PDE10A: variants seen among roughly 807,000 people sequenced by gnomAD.
The protein encoded by PDE10A is cAMP and cAMP-inhibited cGMP 3',5'-cyclic phosphodiesterase 10A.
PDE10A carries 39 observed loss-of-function variants against 97.7 expected under a neutral mutation model. The observed-to-expected ratio is 0.40, with a 90% CI of 0.31 to 0.52. The LOEUF (loss-of-function observed/expected upper bound fraction) is 0.52, where lower values mean the gene tolerates loss of function less well. Among genes scored for constraint, PDE10A ranks in the 20% least tolerant of loss-of-function variants. The pLI is 0.56. For missense variants in PDE10A, 731 were observed against 1,047.8 expected (o/e 0.70, Z 4.17); for synonymous variants, 371 against 376.8 (o/e 0.98, Z 0.18).
At chr6:165,875,558 A>G (rs937895487) in intron 1 of PDE10A, among the ~76,000 whole-genome samples, 1 of 152,220 alleles carries the variant, frequency 6.6e-6, no homozygotes, top group Non-Finnish European at 1.5e-5. Context: ...CATTGATTTT[A>G]TAAGTTTTTA....
intron 1 of PDE10A, among the ~76,000 whole-genome samples, chr6:165,669,823 G>C (rs1790597639): frequency 6.6e-6 from 1 of 152,146 alleles, no homozygotes; most frequent in South Asian, 2.1e-4. Context: ...CTTATTATAA[G>C]AAATTCATCT....
chr6:165,346,712 C>A (rs897391802), intron 18 of PDE10A, among the ~76,000 whole-genome samples: 10 of 152,226 alleles, frequency 6.6e-5, no homozygotes, highest in Non-Finnish European at 1.2e-4. Context: ...CCCTCCCACA[C>A]TGCCCACAAT....
At chr6:165,586,367 T>C (rs1785912760) in intron 1 of PDE10A, among the ~76,000 whole-genome samples, 1 of 152,226 alleles carries the variant, frequency 6.6e-6, no homozygotes, top group Non-Finnish European at 1.5e-5. Context: ...GTTTTTAAAA[T>C]TGAATTCTTA....
chr6:165,539,807 A>G (rs1397701279), intron 2 of PDE10A, among the ~76,000 whole-genome samples: 2 of 151,942 alleles, frequency 1.3e-5, no homozygotes, highest in Non-Finnish European at 2.9e-5. Flanking sequence ...CGCACCTGTA[A>G]TCCCAGCTAC....
At chr6:165,960,513 G>A (rs1329443852) in intron 1 of PDE10A, among the ~76,000 whole-genome samples, 1 of 152,154 alleles carries the variant, frequency 6.6e-6, no homozygotes, top group Non-Finnish European at 1.5e-5. Context: ...AGGTTGGAAG[G>A]CTACCCCTAG....
At chr6:165,837,203 A>C (rs1453149491) in intron 1 of PDE10A, among the ~76,000 whole-genome samples, 2 of 152,148 alleles carry the variant, frequency 1.3e-5, no homozygotes, top group Non-Finnish European at 2.9e-5. Flanking sequence ...GTATAATAAA[A>C]AAAAAAGAGT....
Position 165,971,853 on chromosome 6 carries a change from C to T in PDE10A, c.-615+15676G>A, listed in dbSNP as rs146891349. ...TATTTATTTATTTTATTATTTTTAC[C>T]TCTGTACCTATCAAATCTAGACTAC... On this transcript the variant is annotated intron_variant, in intron 1 of 19. Coordinates refer to the PDE10A transcript ENST00000366882. 3.3e-5 allele frequency among the ~76,000 whole-genome samples: 5 copies of T among 152,078 alleles called. No homozygotes were observed. The East Asian group carries it at 9.7e-4, about 29-fold the overall frequency.
chr6:165,410,926 A>C (rs1787718571), intron 13 of PDE10A, among the ~76,000 whole-genome samples: 1 of 42,362 alleles, frequency 2.4e-5, no homozygotes, highest in South Asian at 4.2e-4. Flanking sequence ...GTCTCTACTA[A>C]AAATACAAAA....
At chr6:165,962,243 C>T (rs117316294) in intron 1 of PDE10A, among the ~76,000 whole-genome samples, 126 of 152,328 alleles carry the variant, frequency 8.3e-4, no homozygotes, top group Non-Finnish European at 1.5e-3. Flanking sequence ...TATCACAGGA[C>T]TCAGAGACCT....
At chr6:165,649,984 T>A (rs1302831988) in intron 1 of PDE10A, among the ~76,000 whole-genome samples, 1 of 152,180 alleles carries the variant, frequency 6.6e-6, no homozygotes, top group South Asian at 2.1e-4. Context: ...GTGCATGACG[T>A]CAGAAAAGAG....
At chr6:165,393,938 T>G (rs1785923403) in intron 15 of PDE10A, among the ~76,000 whole-genome samples, 1 of 152,154 alleles carries the variant, frequency 6.6e-6, no homozygotes, top group African/African-American at 2.4e-5. Flanking sequence ...GGTGCCATAA[T>G]CAAATTACTG....
intron 1 of PDE10A, among the ~76,000 whole-genome samples, chr6:165,787,341 T>G (rs369283309): frequency 6.6e-6 from 1 of 152,176 alleles, no homozygotes; most frequent in African/African-American, 2.4e-5. Flanking sequence ...GAACTAGGGA[T>G]TGGACACTAG....
At chr6:165,949,093 A>T (rs777680544) in intron 1 of PDE10A, 9 of 152,272 alleles carry the variant, frequency 5.9e-5, no homozygotes, top group Non-Finnish European at 1.0e-4. Context: ...AAATAGTTTC[A>T]GTCCAGAAAA....
intron 1 of PDE10A, among the ~76,000 whole-genome samples, chr6:165,835,541 G>T (rs1478636587): frequency 6.6e-6 from 1 of 152,238 alleles, no homozygotes; most frequent in Non-Finnish European, 1.5e-5. Flanking sequence ...CTAAGCTCGT[G>T]GACGCCCACA....
chr6:165,715,189 G>A (rs1260133386), intron 1 of PDE10A, among the ~76,000 whole-genome samples: 1 of 152,250 alleles, frequency 6.6e-6, no homozygotes. Flanking sequence ...ACCCAGACGG[G>A]CCTGCGCCCT....
chr6:165,846,463 G>T (rs1050445695), intron 1 of PDE10A, among the ~76,000 whole-genome samples: 3 of 152,256 alleles, frequency 2.0e-5, no homozygotes, highest in Admixed American at 1.3e-4. Context: ...ACCACCCTGT[G>T]TGAAGGCCGG....
intron 1 of PDE10A, among the ~76,000 whole-genome samples, chr6:165,561,866 C>A (rs1376092717): frequency 6.6e-6 from 1 of 152,200 alleles, no homozygotes; most frequent in East Asian, 1.9e-4. Flanking sequence ...ACAGAGCTAT[C>A]AAATTTTAGC....
At chr6:165,582,696 T>C (rs1433034507) in intron 1 of PDE10A, among the ~76,000 whole-genome samples, 2 of 152,034 alleles carry the variant, frequency 1.3e-5, no homozygotes, top group African/African-American at 2.4e-5. Flanking sequence ...CAGGTTTTAC[T>C]CTTTGGGGAT....
intron 2 of PDE10A, among the ~76,000 whole-genome samples, chr6:165,511,669 A>C (rs1358054614): frequency 6.6e-6 from 1 of 151,988 alleles, no homozygotes; most frequent in East Asian, 1.9e-4. Flanking sequence ...TAGATCTAGT[A>C]ATATTAGCTT....
Sources: gnomAD v4.1 joint callset for allele counts (sites outside exome capture counted in the v4.1 genomes callset) on GRCh38, gnomAD v4.1.1 for gene constraint, MANE v1.5 for transcripts, NCBI Gene and HGNC (gene_info 2026-07-23, HGNC 2026-07-21) for gene names.